Variants in SEH1L observed in about 807,000 individuals in gnomAD.
SEH1L encodes SEH1 like nucleoporin.
Under a neutral mutation model 49.5 loss-of-function variants are expected in SEH1L, and 18 were observed. The ratio of observed to expected loss-of-function variants is 0.36; its 90% CI spans 0.25 to 0.54. SEH1L has a LOEUF of 0.54. Ranked by LOEUF, SEH1L falls within the 20% of genes least tolerant of loss-of-function variation. The probability of loss-of-function intolerance (pLI) is 0.87; values close to 1 mark genes in which losing one functional copy is unlikely to be tolerated. For missense variants in SEH1L, 404 were observed against 528.8 expected (o/e 0.76, Z 2.31); for synonymous variants, 169 against 178.1 (o/e 0.95, Z 0.41).
At chr18:12,960,336 G>A (rs908168481) in intron 3 of SEH1L, among the ~76,000 whole-genome samples, 1 of 152,166 alleles carries the variant, frequency 6.6e-6, no homozygotes, top group Non-Finnish European at 1.5e-5. Context: ...AAAATGTTAG[G>A]GTGCTGAAAT....
At chr18:12,952,448 G>T (rs1286551714) in intron 2 of SEH1L, among the ~76,000 whole-genome samples, 1 of 152,090 alleles carries the variant, frequency 6.6e-6, no homozygotes, top group East Asian at 1.9e-4. Flanking sequence ...GGCCAGGCTG[G>T]TCTCAAACTC....
intron 2 of SEH1L, among the ~76,000 whole-genome samples, chr18:12,954,562 G>T (rs1368636772): frequency 6.6e-6 from 1 of 152,086 alleles, no homozygotes; most frequent in Non-Finnish European, 1.5e-5. Flanking sequence ...AACCTTCCAG[G>T]CTGAAGTGAT....
chr18:12,978,743 T>C lies in SEH1L; in HGVS notation c.621-9T>C. 6.2e-7 allele frequency: 1 copy of C among 1,602,570 alleles called. No homozygotes were observed. The highest frequency in any genetic ancestry group is 1.1e-5 in the South Asian group (1 of 89,490). The stretch of plus-strand genomic sequence containing the variant: ...TCTAAAATGTTAATGTCAATTGTTT[T>C]TCCATTAGGAAATATGCAAAAGCTG... On this transcript the variant is annotated splice_polypyrimidine_tract_variant and intron_variant, in intron 5 of 8. Transcript: ENST00000399892.
intron 1 of SEH1L, among the ~76,000 whole-genome samples, chr18:12,951,132 G>C (rs747547449): frequency 4.6e-5 from 7 of 152,216 alleles, no homozygotes; most frequent in Non-Finnish European, 8.8e-5. Flanking sequence ...TGTGTGAGGA[G>C]TGGTGAAAAA....
intron 3 of SEH1L, among the ~76,000 whole-genome samples, chr18:12,962,724 C>T (rs1032194512): frequency 6.6e-6 from 1 of 151,644 alleles, no homozygotes; most frequent in Non-Finnish European, 1.5e-5. Flanking sequence ...CTGCCTGCCT[C>T]GGCTTCCCAA....
chr18:12,960,025 G>A (rs2031098440), intron 3 of SEH1L, among the ~76,000 whole-genome samples: 1 of 152,182 alleles, frequency 6.6e-6, no homozygotes, highest in Admixed American at 6.5e-5. Context: ...TCTAGTAAGG[G>A]AGGGGGAGTT....
chr18:12,952,005 A>T, intron 2 of SEH1L, 100 bp downstream of exon 2: 1 of 619,052 alleles, frequency 1.6e-6, no homozygotes, highest in South Asian at 2.3e-5. Context: ...TTTATACAGT[A>T]GTTCTTTTCC....
intron 1 of SEH1L, among the ~76,000 whole-genome samples, chr18:12,950,646 A>G (rs1277815147): frequency 6.6e-6 from 1 of 152,244 alleles, no homozygotes; most frequent in African/African-American, 2.4e-5. Flanking sequence ...AAGATAAATT[A>G]GTGGATATTT....
intron 6 of SEH1L, among the ~76,000 whole-genome samples, chr18:12,979,319 C>T (rs1446984774): frequency 1.3e-5 from 2 of 150,184 alleles, no homozygotes; most frequent in Non-Finnish European, 3.0e-5. Context: ...GCACATCTTG[C>T]ACCACCCTTA....
chr18:12,951,825 A>G, intron 1 of SEH1L, 30 bp from the exon 2 acceptor site: 2 of 1,433,140 alleles, frequency 1.4e-6, no homozygotes, highest in Non-Finnish European at 1.9e-6. Flanking sequence ...GAATTTTTGT[A>G]TAAAATATCT....
At chr18:12,966,165 T>A (rs1194684871) in intron 4 of SEH1L, among the ~76,000 whole-genome samples, 3 of 148,640 alleles carry the variant, frequency 2.0e-5, no homozygotes, top group African/African-American at 7.4e-5. Flanking sequence ...TGATCTTGGC[T>A]CACTGCAAGC....
At chr18:12,949,842 C>G (rs1444556585) in intron 1 of SEH1L, among the ~76,000 whole-genome samples, 1 of 151,982 alleles carries the variant, frequency 6.6e-6, no homozygotes, top group Non-Finnish European at 1.5e-5. Context: ...ATCTCCAGAA[C>G]CTTTTCATCA....
chr18:12,959,294 A>G (rs968573017), intron 3 of SEH1L, among the ~76,000 whole-genome samples: 3 of 152,146 alleles, frequency 2.0e-5, no homozygotes, highest in African/African-American at 7.2e-5. Context: ...GGATCCAGAA[A>G]TGTTTTGGAT....
chr18:12,969,744 T>C (rs548155932), intron 4 of SEH1L, among the ~76,000 whole-genome samples: 44 of 149,568 alleles, frequency 2.9e-4, no homozygotes, highest in Non-Finnish European at 5.9e-4. Context: ...AGGAAGTTTG[T>C]GGCCAGGTGT....
Position 12,957,280 on chromosome 18 carries a change from T to C in SEH1L, c.309+1671T>C, listed in dbSNP as rs138800135. Among the ~76,000 whole-genome samples, 1,043 of 151,104 alleles carry C rather than the reference T, an allele frequency of 6.9e-3. 16 individuals are homozygous for C. The highest frequency in any genetic ancestry group is 0.051 in the East Asian group (257 of 5,052). ...CCCCCTCTACTAAAAATACAAAAAT[T>C]AGCTGAGCATGGTGGCACATGCCTG... is the stretch of plus-strand genomic sequence containing the variant. On this transcript the variant is annotated intron_variant, in intron 3 of 8. Transcript: ENST00000399892.
intron 3 of SEH1L, among the ~76,000 whole-genome samples, chr18:12,959,275 A>G (rs2031054658): frequency 6.6e-6 from 1 of 152,218 alleles, no homozygotes; most frequent in African/African-American, 2.4e-5. Context: ...TTCCTTATCC[A>G]TAATGCTAGG....
intron 4 of SEH1L, among the ~76,000 whole-genome samples, chr18:12,969,459 G>A (rs1462771378): frequency 1.3e-5 from 2 of 151,652 alleles, no homozygotes; most frequent in Admixed American, 1.3e-4. Context: ...GGAGGCCGAG[G>A]TGGGCGGATC....
Position 12,987,326 on chromosome 18 carries a change from A to G in SEH1L, c.*269A>G. The G allele has an allele frequency of 3.9e-6, 1 of 256,782 alleles. No individual in the cohort carries two copies. Among genetic ancestry groups the G allele is most frequent in the Non-Finnish European group, 7.4e-6 (1 of 136,010 alleles). 15.9% of individuals were successfully genotyped at this position (256,782 alleles called of 1,614,324 possible). A position where few individuals can be genotyped will look rare whatever the true frequency, so the allele number is the denominator to read the frequency against. On this transcript the variant is annotated 3_prime_UTR_variant, in exon 9 of 9. Transcript: ENST00000399892. ...GAAGTTACACACAGTAGCTGACTTC[A>G]AAGTGCCTGTTCTGTAAATTTTATT...
intron 6 of SEH1L, among the ~76,000 whole-genome samples, chr18:12,980,071 C>T (rs1209003670): frequency 1.1e-5 from 1 of 88,166 alleles, no homozygotes; most frequent in African/African-American, 5.5e-5. Context: ...GGCGGCTGGC[C>T]GGGCGGGGGG....
Sources: gnomAD v4.1 joint callset for allele counts (sites outside exome capture counted in the v4.1 genomes callset) on GRCh38, gnomAD v4.1.1 for gene constraint, MANE v1.5 for transcripts, NCBI Gene and HGNC (gene_info 2026-07-23, HGNC 2026-07-21) for gene names.